Variants in TYRP1 observed in about 807,000 individuals in gnomAD.
TYRP1 encodes 5,6-dihydroxyindole-2-carboxylic acid oxidase.
TYRP1 carries 49 observed loss-of-function variants against 42.8 expected under a neutral mutation model. The ratio of observed to expected loss-of-function variants is 1.14; its 90% CI spans 0.91 to 1.45. TYRP1 has a LOEUF of 1.45. Among genes scored for constraint, TYRP1 ranks in the 40% most tolerant of loss-of-function variants. TYRP1 has a pLI of 0.00. For missense variants in TYRP1, 848 were observed against 662.0 expected, an observed-to-expected ratio of 1.28 and a Z score of -3.08; for synonymous variants, 279 against 235.4, an observed-to-expected ratio of 1.19 and a Z score of -1.69.
chr9:12,707,539 G>T (rs142391825), intron 6 of TYRP1: 1 of 168,658 alleles, frequency 5.9e-6, no homozygotes, highest in African/African-American at 2.4e-5. Context: ...AAAGGAACAG[G>T]GAGCCAACTG....
Position 12,704,712 on chromosome 9 carries a change from C to T in TYRP1, c.1261+7C>T, listed in dbSNP as rs1489142954. The T allele has an allele frequency of 2.5e-6, 4 of 1,612,274 alleles. No homozygotes were observed. Among genetic ancestry groups the T allele is most frequent in the Middle Eastern group, 1.6e-4 (1 of 6,072 alleles). ...CTGAGGAGATACAATGCTGGTAAGA[C>T]ATTTTCATATGCCTTTTGCATGCTC... On this transcript the variant is annotated splice_region_variant and intron_variant, in intron 6 of 7. Coordinates refer to ENST00000388918, the MANE Select transcript of TYRP1 (RefSeq NM_000550.3).
chr9:12,694,519 G>C, intron 2 of TYRP1, 138 bp downstream of exon 2: 1 of 1,123,084 alleles, frequency 8.9e-7, no homozygotes, highest in Non-Finnish European at 1.3e-6. Context: ...AGGAAACTGA[G>C]GCTTAGAAAG....
At chr9:12,697,014 T>C (rs556017266) in intron 3 of TYRP1, among the ~76,000 whole-genome samples, 1 of 152,282 alleles carries the variant, frequency 6.6e-6, no homozygotes, top group Non-Finnish European at 1.5e-5. Context: ...CTTTTGAAAG[T>C]ACACTATCCA....
intron 4 of TYRP1, among the ~76,000 whole-genome samples, chr9:12,699,179 CT>C (rs1237223006): frequency 6.6e-6 from 1 of 152,088 alleles, no homozygotes; most frequent in Non-Finnish European, 1.5e-5. Context: ...TGTCTGCCCC[CT>C]AGCTGCTTTC....
chr9:12,697,986 G>A (rs775842781), intron 3 of TYRP1, among the ~76,000 whole-genome samples: 1 of 152,044 alleles, frequency 6.6e-6, no homozygotes, highest in Non-Finnish European at 1.5e-5. Context: ...AAAAACAGAA[G>A]CAAAACAAAA....
At chr9:12,694,746 G>A (rs1818049409) in intron 2 of TYRP1, among the ~76,000 whole-genome samples, 1 of 152,036 alleles carries the variant, frequency 6.6e-6, no homozygotes, top group African/African-American at 2.4e-5. Context: ...TAGTAAACCT[G>A]GAATTCATGC....
At chr9:12,699,955 C>T (rs968832757) in intron 4 of TYRP1, 7 of 151,994 alleles carry the variant, frequency 4.6e-5, no homozygotes, top group African/African-American at 1.7e-4. Context: ...TTTTTCTTGT[C>T]AATTAATATA....
intron 4 of TYRP1, among the ~76,000 whole-genome samples, chr9:12,699,945 T>C (rs1818139639): frequency 6.6e-6 from 1 of 152,084 alleles, no homozygotes; most frequent in Admixed American, 6.6e-5. Flanking sequence ...TTCATCATAA[T>C]TTTTCTTGTC....
At chr9:12,695,401 C>T in intron 2 of TYRP1, 114 bp from the exon 3 acceptor site, 1 of 935,362 alleles carries the variant, frequency 1.1e-6, no homozygotes, top group Non-Finnish European at 1.6e-6. Context: ...TAATTTAAAA[C>T]ACATTTGAAC....
At chr9:12,702,049 T>C (rs1032000755) in intron 4 of TYRP1, among the ~76,000 whole-genome samples, 1 of 152,076 alleles carries the variant, frequency 6.6e-6, no homozygotes, top group Admixed American at 6.6e-5. Flanking sequence ...TTTTTTTTCC[T>C]TCAGATACTT....
intron 5 of TYRP1, among the ~76,000 whole-genome samples, chr9:12,703,511 C>CCAAT (rs1055357629): frequency 5.3e-5 from 8 of 151,704 alleles, no homozygotes; most frequent in South Asian, 2.1e-4. Context: ...TTCTTAATGC[C>CCAAT]CAATCAGAAG....
chr9:12,707,813 A>C (rs1481023285), intron 6 of TYRP1, 184 bp from the exon 7 acceptor site: 3 of 609,634 alleles, frequency 4.9e-6, no homozygotes, highest in Admixed American at 3.1e-5. Context: ...CTGTATTCAA[A>C]GCATTTTCTG....
At chr9:12,695,056 G>C (rs7874938) in intron 2 of TYRP1, among the ~76,000 whole-genome samples, 1,652 of 152,134 alleles carry the variant, frequency 0.011, 31 homozygotes, top group African/African-American at 0.037. Context: ...TGTAAAGCAA[G>C]TATTATTTTT....
chr9:12,695,468 T>A, intron 2 of TYRP1, 47 bp from the exon 3 acceptor site: 2 of 1,572,418 alleles, frequency 1.3e-6, no homozygotes, highest in Non-Finnish European at 8.8e-7. Context: ...TCTCTACCCA[T>A]CCCCGCAAGG....
chr9:12,708,156 A>G lies in TYRP1; in HGVS notation c.1408+13A>G, dbSNP rs774464798. 5 of 1,612,148 alleles carry G rather than the reference A, an allele frequency of 3.1e-6. No homozygotes were observed. The African/African-American group carries it at 5.3e-5, about 17-fold the overall frequency. ...ATTCAATGGCCAAGTGAGTGTTGAA[A>G]GTGTATTTTTACTGTGATAATTTCC... is the stretch of plus-strand genomic sequence containing the variant. On this transcript the variant is annotated intron_variant, in intron 7 of 7. Coordinates refer to ENST00000388918, the MANE Select transcript of TYRP1 (RefSeq NM_000550.3).
At chr9:12,702,743 G>T (rs1336731394) in intron 5 of TYRP1, among the ~76,000 whole-genome samples, 1 of 151,484 alleles carries the variant, frequency 6.6e-6, no homozygotes, top group African/African-American at 2.4e-5. Flanking sequence ...CTATATCAAG[G>T]TCTCTAGCAT....
At position 12,710,118 on chromosome 9, in the gene TYRP1, C is replaced by G. The variant is rs1818336133; in HGVS notation, c.*936C>G. 6.6e-6 allele frequency: 1 copy of G among 151,568 alleles called. No homozygotes were observed. The highest frequency in any genetic ancestry group is 2.4e-5 in the African/African-American group (1 of 41,354). The allele number at this position is 151,568 out of a possible 1,614,324, so 9.4% of individuals were successfully genotyped here. A position where few individuals can be genotyped will look rare whatever the true frequency, so the allele number is the denominator to read the frequency against. On this transcript the variant is annotated 3_prime_UTR_variant, in exon 8 of 8. Transcript: ENST00000388918. ...CATTGGTCTTCTTTTTTATCTGGTT[C>G]TATATGAATGCTATTTTTTCCCTTC...
chr9:12,700,603 A>G (rs1004747089), intron 4 of TYRP1: 14 of 152,096 alleles, frequency 9.2e-5, no homozygotes, highest in African/African-American at 2.7e-4. Flanking sequence ...GAGTTTGTCC[A>G]TATGCAAACA....
intron 3 of TYRP1, among the ~76,000 whole-genome samples, chr9:12,697,784 T>C (rs972165823): frequency 6.6e-6 from 1 of 152,124 alleles, no homozygotes; most frequent in Non-Finnish European, 1.5e-5. Context: ...TAAAAAACAA[T>C]GGGCAGAAAG....
Sources: gnomAD v4.1 joint callset for allele counts (sites outside exome capture counted in the v4.1 genomes callset) on GRCh38, gnomAD v4.1.1 for gene constraint, MANE v1.5 for transcripts, NCBI Gene and HGNC (gene_info 2026-07-23, HGNC 2026-07-21) for gene names.